Variants in MARCHF1 observed in about 807,000 individuals in gnomAD.
MARCHF1 encodes E3 ubiquitin-protein ligase MARCHF1.
A neutral mutation model predicts 54.2 loss-of-function variants in MARCHF1; 40 were observed. That is an observed-to-expected ratio of 0.74 (90% CI 0.57 to 0.96). MARCHF1 has a LOEUF of 0.96. Among genes scored for constraint, MARCHF1 ranks in the 40% least tolerant of loss-of-function variants. MARCHF1 has a pLI of 0.00. For missense variants in MARCHF1, 586 were observed against 656.5 expected, an observed-to-expected ratio of 0.89 and a Z score of 1.17; for synonymous variants, 236 against 236.3, an observed-to-expected ratio of 1.00 and a Z score of 0.01.
intron 8 of MARCHF1, among the ~76,000 whole-genome samples, chr4:163,550,899 A>C (rs1739087975): frequency 2.0e-5 from 3 of 152,154 alleles, no homozygotes; most frequent in Admixed American, 1.3e-4. Flanking sequence ...CACCAAACTC[A>C]CGGAATCAGA....
chr4:164,361,159 G>A (rs911944084), intron 1 of MARCHF1, among the ~76,000 whole-genome samples: 10 of 152,008 alleles, frequency 6.6e-5, no homozygotes, highest in Non-Finnish European at 1.2e-4. Context: ...TTTTAATCCC[G>A]ACTCTACTCT....
chr4:164,374,531 T>A (rs1043845293), intron 1 of MARCHF1, among the ~76,000 whole-genome samples: 1 of 152,132 alleles, frequency 6.6e-6, no homozygotes, highest in Non-Finnish European at 1.5e-5. Context: ...AATTGACAAC[T>A]ATGGCTTATC....
At chr4:163,897,886 C>T (rs1169725002) in intron 3 of MARCHF1, among the ~76,000 whole-genome samples, 1 of 119,058 alleles carries the variant, frequency 8.4e-6, no homozygotes, top group African/African-American at 3.0e-5. Context: ...GAAACCCAGT[C>T]TCTACTAAAA....
rs1181582670 is a variant in MARCHF1, at chr4:163,529,024, C to T, written c.1362G>A (p.Trp454Ter). ...NDNGVLEWPF[W>*]TKLVVVAIGF... is the part of the protein sequence containing the mutation. ...CAATGGCTACCACAACCAGTTTTGTCCAAAATGGCCATTCAAGGACACCTT... is the reference window on the plus strand; with the variant it reads ...CAATGGCTACCACAACCAGTTTTGTTCAAAATGGCCATTCAAGGACACCTT... The change falls in exon 10 of 10, where the codon TGG becomes TGA. Residue 454 changes from tryptophan (W) to a stop codon, truncating the protein, a stop_gained. Coordinates refer to ENST00000514618, the MANE Select transcript of MARCHF1 (RefSeq NM_001394959.1). LOFTEE classifies it high-confidence loss of function. The T allele has an allele frequency of 6.2e-7, 1 of 1,607,158 alleles. No homozygotes were observed. Among genetic ancestry groups the T allele is most frequent in the Non-Finnish European group, 8.5e-7 (1 of 1,175,184 alleles).
At chr4:164,118,896 A>G (rs1755997144) in intron 1 of MARCHF1, among the ~76,000 whole-genome samples, 1 of 151,628 alleles carries the variant, frequency 6.6e-6, no homozygotes, top group Admixed American at 6.6e-5. Context: ...ATAACACCAC[A>G]ACTACCATTA....
intron 5 of MARCHF1, among the ~76,000 whole-genome samples, chr4:163,614,848 G>T (rs1162304030): frequency 6.6e-6 from 1 of 152,110 alleles, no homozygotes; most frequent in Non-Finnish European, 1.5e-5. Flanking sequence ...AGTAGAGTTA[G>T]TCAGAGAGAG....
At chr4:164,303,025 A>C (rs1441463429) in intron 1 of MARCHF1, among the ~76,000 whole-genome samples, 2 of 152,190 alleles carry the variant, frequency 1.3e-5, no homozygotes, top group Non-Finnish European at 2.9e-5. Flanking sequence ...CAGATACTTA[A>C]AAATCACTAA....
intron 1 of MARCHF1, among the ~76,000 whole-genome samples, chr4:164,256,603 G>A (rs1733294763): frequency 6.6e-6 from 1 of 152,028 alleles, no homozygotes; most frequent in Non-Finnish European, 1.5e-5. Context: ...CAGTGAAAAG[G>A]AGACATGAAC....
chr4:163,969,852 G>GA (rs1752515072), intron 3 of MARCHF1, among the ~76,000 whole-genome samples: 1 of 152,164 alleles, frequency 6.6e-6, no homozygotes, highest in African/African-American at 2.4e-5. Context: ...TGTTTTGGGG[G>GA]AAAACGTAAG....
At chr4:164,290,382 T>C (rs1222740713) in intron 1 of MARCHF1, among the ~76,000 whole-genome samples, 1 of 152,064 alleles carries the variant, frequency 6.6e-6, no homozygotes, top group Non-Finnish European at 1.5e-5. Context: ...AAGAATGTTA[T>C]ATAAACAGTT....
intron 2 of MARCHF1, among the ~76,000 whole-genome samples, chr4:164,079,075 A>G (rs1027696471): frequency 1.3e-5 from 2 of 152,072 alleles, no homozygotes; most frequent in Non-Finnish European, 2.9e-5. Flanking sequence ...TTCTCCATTT[A>G]TGGCCTTTTG....
At chr4:163,611,350 G>A (rs552745768) in intron 7 of MARCHF1, among the ~76,000 whole-genome samples, 7 of 152,090 alleles carry the variant, frequency 4.6e-5, no homozygotes, top group Non-Finnish European at 8.8e-5. Context: ...CAATGGACAT[G>A]AGCAGCCTTC....
intron 4 of MARCHF1, among the ~76,000 whole-genome samples, chr4:163,836,423 T>G (rs1396996801): frequency 1.4e-5 from 2 of 146,796 alleles, no homozygotes; most frequent in Admixed American, 1.4e-4. Context: ...TTTTTTGTAT[T>G]TTTAGTAGAG....
intron 1 of MARCHF1, among the ~76,000 whole-genome samples, chr4:164,372,651 C>A (rs1158326618): frequency 6.6e-6 from 1 of 152,002 alleles, no homozygotes; most frequent in East Asian, 1.9e-4. Flanking sequence ...GGTAAAAACA[C>A]CCTCAGATAT....
At chr4:164,168,663 TAC>T (rs3059785) in intron 1 of MARCHF1, among the ~76,000 whole-genome samples, 2,222 of 146,372 alleles carry the variant, frequency 0.015, 48 homozygotes, top group African/African-American at 0.046. Flanking sequence ...TTATGTGGAA[TAC>T]ACACACACAC....
intron 1 of MARCHF1, among the ~76,000 whole-genome samples, chr4:164,301,394 A>C (rs1233042072): frequency 6.6e-6 from 1 of 152,232 alleles, no homozygotes; most frequent in South Asian, 2.1e-4. Context: ...CCATCAGTTT[A>C]CACAAGGAAC....
intron 3 of MARCHF1, among the ~76,000 whole-genome samples, chr4:163,964,035 A>G (rs62348068): frequency 0.17 from 25,247 of 151,962 alleles, 2,664 homozygotes; most frequent in South Asian, 0.34. Context: ...TTACTTGGCA[A>G]TCAATAAGCC....
At chr4:164,051,497 C>T (rs533466131) in intron 2 of MARCHF1, among the ~76,000 whole-genome samples, 2 of 152,212 alleles carry the variant, frequency 1.3e-5, no homozygotes, top group African/African-American at 4.8e-5. Context: ...ATATACGCTG[C>T]TTTTCTATCT....
chr4:163,701,007 C>T (rs1339935487), intron 4 of MARCHF1, 144 bp from the exon 5 acceptor site: 15 of 576,928 alleles, frequency 2.6e-5, no homozygotes, highest in Non-Finnish European at 4.3e-5. Flanking sequence ...TAATTGCTTA[C>T]ACAGAATGCT....
Sources: gnomAD v4.1 joint callset for allele counts (sites outside exome capture counted in the v4.1 genomes callset) on GRCh38, gnomAD v4.1.1 for gene constraint, MANE v1.5 for transcripts, NCBI Gene and HGNC (gene_info 2026-07-23, HGNC 2026-07-21) for gene names.